The following ZFP2 variants were observed in gnomAD, a reference collection of about 807,000 sequenced individuals.
The protein encoded by ZFP2 is ZFP2 zinc finger protein.
A neutral mutation model predicts 36.1 loss-of-function variants in ZFP2; 33 were observed. That is an observed-to-expected ratio of 0.92 (90% CI 0.69 to 1.22). The LOEUF is 1.22. Among genes scored for constraint, ZFP2 ranks in the 50% most tolerant of loss-of-function variants. The pLI is 0.00. For synonymous variants in ZFP2, 170 were observed against 178.0 expected (o/e 0.96, Z 0.36); for missense variants, 522 against 551.4 (o/e 0.95, Z 0.53).
intron 4 of ZFP2, among the ~76,000 whole-genome samples, chr5:178,927,024 A>C (rs1353852807): frequency 6.6e-6 from 1 of 152,172 alleles, no homozygotes; most frequent in Non-Finnish European, 1.5e-5. Flanking sequence ...TTGTTTGTTC[A>C]GTGTTGATCT....
chr5:178,910,043 A>G, intron 1 of ZFP2: 3 of 1,463,122 alleles, frequency 2.1e-6, no homozygotes, highest in Non-Finnish European at 1.9e-6. Context: ...GCCCTTCTTC[A>G]GAGTCCAGGC....
At chr5:178,904,015 GAA>G (rs902066543) in intron 1 of ZFP2, among the ~76,000 whole-genome samples, 30 of 147,564 alleles carry the variant, frequency 2.0e-4, no homozygotes, top group Non-Finnish European at 4.1e-4. Flanking sequence ...AAAAAAAAAA[GAA>G]AAGTTTTCTG....
intron 1 of ZFP2, among the ~76,000 whole-genome samples, chr5:178,904,135 A>T (rs1304252325): frequency 1.3e-5 from 2 of 152,202 alleles, no homozygotes; most frequent in Non-Finnish European, 2.9e-5. Context: ...TGAAGTAGGG[A>T]TCTAACTTCA....
chr5:178,918,937 C>T (rs1310931657), intron 4 of ZFP2, among the ~76,000 whole-genome samples: 1 of 152,146 alleles, frequency 6.6e-6, no homozygotes, highest in East Asian at 1.9e-4. Flanking sequence ...CCACAATACT[C>T]CATCAATTCT....
At chr5:178,929,424 CTT>C (rs1427615461) in intron 4 of ZFP2, among the ~76,000 whole-genome samples, 4 of 152,334 alleles carry the variant, frequency 2.6e-5, no homozygotes, top group African/African-American at 9.6e-5. Flanking sequence ...CAACCCACCT[CTT>C]GTGTGCTTTG....
intron 1 of ZFP2, among the ~76,000 whole-genome samples, chr5:178,898,676 G>T (rs867828635): frequency 6.6e-6 from 1 of 152,200 alleles, no homozygotes; most frequent in Admixed American, 6.5e-5. Flanking sequence ...GGGAGCTCGG[G>T]TGAGCTCATT....
intron 1 of ZFP2, among the ~76,000 whole-genome samples, chr5:178,899,387 G>T (rs1331075523): frequency 6.6e-6 from 1 of 152,158 alleles, no homozygotes; most frequent in African/African-American, 2.4e-5. Flanking sequence ...AAAATGCCTG[G>T]CATGGCTCCT....
intron 4 of ZFP2, among the ~76,000 whole-genome samples, chr5:178,917,870 C>T (rs1581837167): frequency 6.6e-6 from 1 of 152,190 alleles, no homozygotes; most frequent in Non-Finnish European, 1.5e-5. Flanking sequence ...GTTCATTCTT[C>T]CTTAAATAAG....
chr5:178,910,633 G>GC (rs1758277051), intron 1 of ZFP2: 1 of 401,606 alleles, frequency 2.5e-6, no homozygotes. Flanking sequence ...CTCTAGAATG[G>GC]CCCCCTCTGG....
At chr5:178,924,970 C>T (rs938863626) in intron 4 of ZFP2, among the ~76,000 whole-genome samples, 7 of 148,196 alleles carry the variant, frequency 4.7e-5, no homozygotes, top group African/African-American at 1.7e-4. Context: ...CCTCTTACCT[C>T]TCTCTACCCA....
At position 178,917,696 on chromosome 5, in the gene ZFP2, C is replaced by T. The variant is rs112396188; in HGVS notation, c.-78+986C>T. Among the ~76,000 whole-genome samples the T allele has an allele frequency of 2.6e-5, 4 of 152,134 alleles. No homozygotes were observed. In the East Asian group the frequency reaches 5.8e-4, roughly 22 times the overall value. ...GTCTGTCCATGTAAATATATGTGTA[C>T]ATATATAGAGAAACATACACAGAGA... On this transcript the variant is annotated intron_variant, in intron 4 of 4. Transcript: ENST00000361362.
intron 1 of ZFP2, among the ~76,000 whole-genome samples, chr5:178,906,964 C>T (rs1307775255): frequency 6.6e-6 from 1 of 152,002 alleles, no homozygotes; most frequent in Non-Finnish European, 1.5e-5. Flanking sequence ...TGCCACCCAT[C>T]CTTCCAGTAA....
At chr5:178,915,242 T>C (rs1758394515) in intron 3 of ZFP2, among the ~76,000 whole-genome samples, 1 of 152,114 alleles carries the variant, frequency 6.6e-6, no homozygotes, top group Admixed American at 6.6e-5. Flanking sequence ...ACACATATAT[T>C]TTGATACTGT....
At chr5:178,900,809 A>T (rs1459339634) in intron 1 of ZFP2, among the ~76,000 whole-genome samples, 1,595 of 55,646 alleles carry the variant, frequency 0.029, no homozygotes, top group Middle Eastern at 0.068. Flanking sequence ...CACGTCCCCC[A>T]CCCCAGCCAG....
intron 4 of ZFP2, chr5:178,922,553 G>T: frequency 6.8e-7 from 1 of 1,464,458 alleles, no homozygotes; most frequent in Non-Finnish European, 9.6e-7. Context: ...GTCTAGTTTT[G>T]TAGGAGCATG....
chr5:178,903,521 G>A (rs1758099920), intron 1 of ZFP2, among the ~76,000 whole-genome samples: 1 of 152,126 alleles, frequency 6.6e-6, no homozygotes, highest in African/African-American at 2.4e-5. Flanking sequence ...TATAAAAGAG[G>A]TCTTTCCTAT....
chr5:178,932,228 A>G lies in ZFP2; in HGVS notation c.915A>G (p.Lys305=), dbSNP rs1758865514. 5 of 1,614,176 alleles carry G rather than the reference A, an allele frequency of 3.1e-6. No homozygotes were observed. Among genetic ancestry groups the G allele is most frequent in the Non-Finnish European group, 4.2e-6 (5 of 1,180,014 alleles). Reference sequence around the variant, plus strand: ...CTTACAAATGTAACAAATGCGGGAAATCCTTTAGCCAAAGTACATATCTTA... The same window carrying G: ...CTTACAAATGTAACAAATGCGGGAAGTCCTTTAGCCAAAGTACATATCTTA... ...EKPYKCNKCG[K]SFSQSTYLIE... The change falls in exon 5 of 5, where the codon AAA becomes AAG. Residue 305 remains lysine, a synonymous_variant. Transcript: ENST00000361362.
chr5:178,903,965 C>T (rs749882671), intron 1 of ZFP2, among the ~76,000 whole-genome samples: 15 of 151,008 alleles, frequency 9.9e-5, no homozygotes, highest in African/African-American at 2.4e-4. Context: ...CACTCTAGCC[C>T]GGCAACAGAG....
At chr5:178,902,216 C>T (rs771023044) in intron 1 of ZFP2, among the ~76,000 whole-genome samples, 46 of 152,196 alleles carry the variant, frequency 3.0e-4, no homozygotes, top group Admixed American at 1.3e-4. Context: ...TATACACACA[C>T]ATGTTTGTGT....
Sources: allele counts gnomAD v4.1 joint callset (sites outside exome capture counted in the v4.1 genomes callset), GRCh38; gene constraint gnomAD v4.1.1; transcripts MANE v1.5; gene names NCBI Gene and HGNC (gene_info 2026-07-23, HGNC 2026-07-21).